The following HERPUD2 variants were observed in gnomAD, a reference collection of about 807,000 sequenced individuals.
The protein encoded by HERPUD2 is HERPUD family member 2.
HERPUD2 carries 13 observed loss-of-function variants against 49.9 expected under a neutral mutation model. The observed-to-expected ratio is 0.26, with a 90% confidence interval of 0.17 to 0.41. The LOEUF (loss-of-function observed/expected upper bound fraction) is 0.41, where lower values mean the gene tolerates loss of function less well. Among genes scored for constraint, HERPUD2 ranks in the 10% least tolerant of loss-of-function variants. HERPUD2 has a pLI of 1.00. For missense variants in HERPUD2, 449 were observed against 492.2 expected (o/e 0.91, Z 0.83); for synonymous variants, 172 against 171.4 (o/e 1.00, Z -0.03).
chr7:35,689,287 C>G (rs890604745), intron 2 of HERPUD2, among the ~76,000 whole-genome samples: 1 of 152,104 alleles, frequency 6.6e-6, no homozygotes, highest in African/African-American at 2.4e-5. Context: ...TTCGATAGTA[C>G]CCTTTGTTCA....
intron 5 of HERPUD2, among the ~76,000 whole-genome samples, chr7:35,648,322 C>T (rs140007336): frequency 2.5e-3 from 379 of 152,260 alleles, no homozygotes; most frequent in African/African-American, 8.6e-3. Flanking sequence ...TAAAAGATCG[C>T]CCCAGTTCTT....
intron 3 of HERPUD2, among the ~76,000 whole-genome samples, chr7:35,672,201 G>A (rs1211849167): frequency 6.6e-6 from 1 of 151,320 alleles, no homozygotes; most frequent in African/African-American, 2.4e-5. Flanking sequence ...GTCAGAGAAT[G>A]TAAGAGAAAT....
Position 35,685,715 on chromosome 7 carries a change from C to T in HERPUD2, c.147+8469G>A, listed in dbSNP as rs529464753. On this transcript the variant is annotated intron_variant, in intron 2 of 8. Coordinates refer to ENST00000311350, the MANE Select transcript of HERPUD2 (RefSeq NM_022373.5). ...TATCAGGGCTGGGTGCAGTGGTTCA[C>T]GCCTGTAATCCCAGCACTTTGGGAG... Among the ~76,000 whole-genome samples, 7 of 152,032 alleles carry T rather than the reference C, an allele frequency of 4.6e-5. No homozygotes were observed. The South Asian group carries it at 1.2e-3, about 27-fold the overall frequency.
intron 5 of HERPUD2, 38 bp from the exon 6 acceptor site, chr7:35,638,510 G>A: frequency 7.6e-6 from 12 of 1,582,474 alleles, no homozygotes; most frequent in South Asian, 2.3e-5. Context: ...TAATGCTCTA[G>A]CAGCTAAAAG....
intron 5 of HERPUD2, among the ~76,000 whole-genome samples, chr7:35,664,308 T>C (rs907294254): frequency 3.3e-5 from 5 of 152,234 alleles, no homozygotes; most frequent in African/African-American, 1.2e-4. Context: ...CCTTTCTCTC[T>C]GGCTGCCCTT....
intron 2 of HERPUD2, among the ~76,000 whole-genome samples, chr7:35,692,419 T>G (rs1786213510): frequency 2.6e-5 from 4 of 152,224 alleles, no homozygotes; most frequent in Admixed American, 2.0e-4. Context: ...GAGCATATAT[T>G]TGCTATGAAC....
At chr7:35,661,488 G>T (rs1785421413) in intron 5 of HERPUD2, among the ~76,000 whole-genome samples, 1 of 152,144 alleles carries the variant, frequency 6.6e-6, no homozygotes, top group Admixed American at 6.5e-5. Context: ...TCACGATATT[G>T]ATTCTTCCTA....
At chr7:35,655,119 C>T (rs1785248179) in intron 5 of HERPUD2, among the ~76,000 whole-genome samples, 1 of 152,148 alleles carries the variant, frequency 6.6e-6, no homozygotes, top group African/African-American at 2.4e-5. Flanking sequence ...TCCCAATGTG[C>T]TGGGATTACA....
At position 35,673,222 on chromosome 7, in the gene HERPUD2, C is replaced by T. The variant is rs2115978026; in HGVS notation, c.204G>A (p.Gln68=). ...TTACTTTTCTGAGAATGTCTTTCAG[C>T]TGCAGATGATCGGGAAGCAGTCTGC... The part of the protein sequence containing the change: ...YSGRLLPDHL[Q]LKDILRKQDE... The change falls in exon 3 of 9, where the codon CAG becomes CAA. Residue 68 remains glutamine, a synonymous_variant. Coordinates refer to ENST00000311350, the MANE Select transcript of HERPUD2 (RefSeq NM_022373.5). 6 of 1,611,982 alleles carry T rather than the reference C, an allele frequency of 3.7e-6. No homozygotes were observed. The highest frequency in any genetic ancestry group is 5.1e-6 in the Non-Finnish European group (6 of 1,178,864).
In HERPUD2 at chr7:35,649,443, A is replaced by G. The variant is rs56179137; in HGVS notation, c.495-10971T>C. Among the ~76,000 whole-genome samples the G allele has an allele frequency of 1.4e-3, 216 of 152,278 alleles. 1 individual carries two copies. The highest frequency in any genetic ancestry group is 2.3e-3 in the Non-Finnish European group (159 of 68,010). On this transcript the variant is annotated intron_variant, in intron 5 of 8. Coordinates refer to ENST00000311350, the MANE Select transcript of HERPUD2 (RefSeq NM_022373.5). Reference sequence around the variant, plus strand: ...CAACAAAAAGTGTGAAACGGTGTAAAATATTTGAAGAGATTTATTCTGAGC... The same window carrying G: ...CAACAAAAAGTGTGAAACGGTGTAAGATATTTGAAGAGATTTATTCTGAGC...
Position 35,694,488 on chromosome 7 carries a change from T to C in HERPUD2, c.-158A>G. ...GTGCACTGGAGGATACGAAGCCCAT[T>C]GCCGGTACCAAGGATGGACTGAGGT... On this transcript the variant is annotated 5_prime_UTR_variant, in exon 2 of 9. Transcript: ENST00000311350. The C allele has an allele frequency of 1.4e-6, 1 of 723,108 alleles. No individual in the cohort carries two copies. Among genetic ancestry groups the C allele is most frequent in the Non-Finnish European group, 2.3e-6 (1 of 438,442 alleles). The allele number at this position is 723,108 out of a possible 1,614,324, so 44.8% of individuals were successfully genotyped here. A position where few individuals can be genotyped will look rare whatever the true frequency, so the allele number is the denominator to read the frequency against.
chr7:35,694,189 T>G lies in HERPUD2; in HGVS notation c.142A>C (p.Lys48Gln), dbSNP rs780482623. 6.2e-6 allele frequency: 10 copies of G among 1,613,986 alleles called. No individual in the cohort carries two copies. The highest frequency in any genetic ancestry group is 8.5e-6 in the Non-Finnish European group (10 of 1,179,996). ...KTHLSNVYPS[K>Q]PLTKDQRLVY... ...CCCAGCTTTTACACACTTACTGGTT[T>G]GCTAGGGTAAACGTTAGATAGATGC... is the stretch of plus-strand genomic sequence containing the variant. The change falls in exon 2 of 9, where the codon AAA (lysine) becomes CAA (glutamine). Residue 48 changes from lysine to glutamine, a missense_variant. Physicochemically the swap from Lys to Gln is moderately conservative, Grantham distance 53 (BLOSUM62 1). Coordinates refer to ENST00000311350, the MANE Select transcript of HERPUD2 (RefSeq NM_022373.5).
In HERPUD2 at chr7:35,654,042, T is replaced by C. The variant is rs554137526; in HGVS notation, c.494+13392A>G. ...AACAAATGAAAGTCAAAAAACAATA[T>C]ACCAAAACCTATGGAATACAACAAA... is the stretch of plus-strand genomic sequence containing the variant. On this transcript the variant is annotated intron_variant, in intron 5 of 8. Coordinates refer to ENST00000311350, the MANE Select transcript of HERPUD2 (RefSeq NM_022373.5). Among the ~76,000 whole-genome samples, 5 of 151,962 alleles carry C rather than the reference T, an allele frequency of 3.3e-5. No individual in the cohort carries two copies. The South Asian group carries it at 8.4e-4, about 25-fold the overall frequency.
intron 6 of HERPUD2, among the ~76,000 whole-genome samples, chr7:35,636,011 TG>T (rs1370031897): frequency 6.6e-6 from 1 of 152,234 alleles, no homozygotes; most frequent in Non-Finnish European, 1.5e-5. Flanking sequence ...GAACTCCAAC[TG>T]GGGACCACTG....
intron 5 of HERPUD2, among the ~76,000 whole-genome samples, chr7:35,647,368 T>G (rs1415035795): frequency 6.6e-6 from 1 of 152,122 alleles, no homozygotes; most frequent in Non-Finnish European, 1.5e-5. Flanking sequence ...TTCGAGGCCA[T>G]GACAGCCCAT....
In HERPUD2 at chr7:35,694,335, C is replaced by T. The variant is rs1294970349; in HGVS notation, c.-5G>A. The T allele has an allele frequency of 8.7e-6, 14 of 1,613,918 alleles. No individual in the cohort carries two copies. Among genetic ancestry groups the T allele is most frequent in the African/African-American group, 4.0e-5 (3 of 74,922 alleles). On this transcript the variant is annotated 5_prime_UTR_variant, in exon 2 of 9. Transcript: ENST00000311350. ...CTCCATCCCACTTTGGTCCATGGTG[C>T]CCCCAAAGTCAGACAGAGTCCAGAG...
rs2116077962 is a variant in HERPUD2, at chr7:35,695,076, G to C, written c.-573C>G. 6.6e-6 allele frequency: 1 copy of C among 152,536 alleles called. No individual in the cohort carries two copies. The highest frequency in any genetic ancestry group is 1.9e-4 in the East Asian group (1 of 5,204). The allele number at this position is 152,536 out of a possible 1,614,324, so 9.4% of individuals were successfully genotyped here. On this transcript the variant is annotated 5_prime_UTR_variant, in exon 1 of 9. Coordinates refer to ENST00000311350, the MANE Select transcript of HERPUD2 (RefSeq NM_022373.5). ...CCGGGGGCGGCCCAGGCGACTACAG[G>C]TAGCAGGAGGGCGGGGACGAGAGCC...
intron 5 of HERPUD2, among the ~76,000 whole-genome samples, chr7:35,651,608 A>G (rs1428452417): frequency 6.6e-6 from 1 of 152,228 alleles, no homozygotes; most frequent in Non-Finnish European, 1.5e-5. Flanking sequence ...AAGCAAATGC[A>G]AAAAACTGAA....
intron 5 of HERPUD2, among the ~76,000 whole-genome samples, chr7:35,646,271 A>C (rs1050573255): frequency 1.3e-5 from 2 of 152,242 alleles, no homozygotes; most frequent in African/African-American, 2.4e-5. Context: ...TACAAAGTAA[A>C]GGATAATGAG....
Sources: gnomAD v4.1 joint callset for allele counts (sites outside exome capture counted in the v4.1 genomes callset) on GRCh38, gnomAD v4.1.1 for gene constraint, MANE v1.5 for transcripts, NCBI Gene and HGNC (gene_info 2026-07-23, HGNC 2026-07-21) for gene names.